The following ADGRB1 variants were observed in gnomAD, a reference collection of about 807,000 sequenced individuals.
The protein encoded by ADGRB1 is adhesion G protein-coupled receptor B1, also known as brain-specific angiogenesis inhibitor 1.
A neutral mutation model predicts 175.7 loss-of-function variants in ADGRB1; 36 were observed. That is an observed-to-expected ratio of 0.20 (90% CI 0.16 to 0.27). ADGRB1 has a LOEUF of 0.27. Among genes scored for constraint, ADGRB1 ranks in the 10% least tolerant of loss-of-function variants. ADGRB1 has a pLI of 1.00. For synonymous variants in ADGRB1, 1,054 were observed against 979.4 expected (o/e 1.08, Z -1.42); for missense variants, 1,731 against 2,255.3 (o/e 0.77, Z 4.71).
In ADGRB1 at chr8:142,479,303, T is replaced by G. The variant is rs1272907909; in HGVS notation, c.1562-20T>G. The G allele has an allele frequency of 6.8e-7, 1 of 1,474,788 alleles. No homozygotes were observed. The highest frequency in any genetic ancestry group is 8.9e-7 in the Non-Finnish European group (1 of 1,119,422). The allele number at this position is 1,474,788 out of a possible 1,614,324, so 91.4% of individuals were successfully genotyped here. A position where few individuals can be genotyped will look rare whatever the true frequency, so the allele number is the denominator to read the frequency against. On this transcript the variant is annotated intron_variant, in intron 7 of 30. Coordinates refer to ENST00000517894, the MANE Select transcript of ADGRB1 (RefSeq NM_001702.3). Reference sequence around the variant, plus strand: ...TGCCCTTCTTGTCGCCTGTGCCCTGTGTCTGGCCACGCCCCGCAGTGGATG... The same window carrying G: ...TGCCCTTCTTGTCGCCTGTGCCCTGGGTCTGGCCACGCCCCGCAGTGGATG...
Position 142,542,031 on chromosome 8 carries a change from T to C in ADGRB1, c.3797T>C (p.Leu1266Pro), listed in dbSNP as rs1411697512. The C allele has an allele frequency of 1.5e-5, 24 of 1,609,948 alleles. No individual in the cohort carries two copies. Among genetic ancestry groups the C allele is most frequent in the Non-Finnish European group, 2.0e-5 (24 of 1,178,916 alleles). The change falls in exon 28 of 31, where the codon CTG becomes CCG. Residue 1266 changes from leucine to proline, a missense_variant. Coordinates refer to ENST00000517894, the MANE Select transcript of ADGRB1 (RefSeq NM_001702.3). This position sits in a 1 kb window ranked among gnomAD's most constrained non-coding sequence, Gnocchi z 6.3. ...CTGCCCGAGGAGGAGAAGCTGAAGC[T>C]GGCCCATGCCAAGGGGCCGCCCACC... ...PSLPEEEKLK[L>P]AHAKGPPTNF...
Position 142,520,938 on chromosome 8 carries a change from G to A in ADGRB1, c.3024+13G>A, listed in dbSNP as rs772215986. On this transcript the variant is annotated intron_variant, in intron 20 of 30. Transcript: ENST00000517894. The stretch of plus-strand genomic sequence containing the variant: ...GACCCGCAACAAGGTAGGCAGCCTT[G>A]CGTCCTGCCATGCACTTCCCAACAT... 6.2e-7 allele frequency: 1 copy of A among 1,604,944 alleles called. No individual in the cohort carries two copies. The highest frequency in any genetic ancestry group is 1.1e-5 in the South Asian group (1 of 90,878).
At chr8:142,469,634 T>C (rs1187811453) in intron 2 of ADGRB1, among the ~76,000 whole-genome samples, 4 of 150,124 alleles carry the variant, frequency 2.7e-5, no homozygotes, top group African/African-American at 9.9e-5. Context: ...TGCATGTGTG[T>C]ATGTGCACGT....
chr8:142,477,605 A>G, intron 6 of ADGRB1, 56 bp downstream of exon 6: 3 of 1,565,270 alleles, frequency 1.9e-6, no homozygotes, highest in South Asian at 1.2e-5. Context: ...GGGAGGTCAC[A>G]GTGGGCCACC....
intron 1 of ADGRB1, among the ~76,000 whole-genome samples, chr8:142,461,985 C>T (rs992851032): frequency 1.1e-4 from 16 of 152,054 alleles, no homozygotes; most frequent in Admixed American, 1.0e-3. Context: ...GACCTGCCCA[C>T]AGCCGCTCCC....
intron 9 of ADGRB1, among the ~76,000 whole-genome samples, 167 bp from the exon 10 acceptor site, chr8:142,481,087 G>A: frequency 6.6e-6 from 1 of 152,262 alleles, no homozygotes; most frequent in East Asian, 1.9e-4. Context: ...TGTTGATGAA[G>A]GGAACGAGGT....
Position 142,486,079 on chromosome 8 carries a change from C to A in ADGRB1, c.2308+1315C>A, listed in dbSNP as rs185289585. Among the ~76,000 whole-genome samples the A allele has an allele frequency of 5.4e-3, 822 of 152,260 alleles. 4 individuals carry two copies. Among genetic ancestry groups the A allele is most frequent in the Non-Finnish European group, 7.7e-3 (527 of 68,026 alleles). On this transcript the variant is annotated intron_variant, in intron 13 of 30. Coordinates refer to ENST00000517894, the MANE Select transcript of ADGRB1 (RefSeq NM_001702.3). ...GGGGATTCAATTTCCAACACGTGAACGTTTACAGGACACATTCAAGCTATA... is the reference window on the plus strand; with the variant it reads ...GGGGATTCAATTTCCAACACGTGAAAGTTTACAGGACACATTCAAGCTATA...
intron 1 of ADGRB1, among the ~76,000 whole-genome samples, chr8:142,459,020 A>T (rs139507225): frequency 8.7e-4 from 133 of 152,278 alleles, no homozygotes; most frequent in African/African-American, 2.9e-3. Context: ...CAGCGCCCAC[A>T]CTGGTCCCCC....
In ADGRB1 at chr8:142,537,318, C is replaced by A. The variant is rs550541452; in HGVS notation, c.3666+236C>A. ...GTTTGGAGGTCTCAGCGGAGGCTGG[C>A]ATCCACCCCACACTCACCCCCGCTG... On this transcript the variant is annotated intron_variant, in intron 26 of 30. Transcript: ENST00000517894. This position sits in a 1 kb window ranked among gnomAD's most constrained non-coding sequence, Gnocchi z 4.6. Among the ~76,000 whole-genome samples, 12 of 152,146 alleles carry A rather than the reference C, an allele frequency of 7.9e-5. No homozygotes were observed. In the East Asian group the frequency reaches 2.1e-3, roughly 27 times the overall value.
At chr8:142,520,392 G>T (rs1843732811) in intron 19 of ADGRB1, among the ~76,000 whole-genome samples, 3 of 84,136 alleles carry the variant, frequency 3.6e-5, no homozygotes, top group Non-Finnish European at 7.7e-5. Context: ...TGATGGTAGT[G>T]ATTGTGATGT....
chr8:142,494,588 G>T (rs111294278), intron 17 of ADGRB1, among the ~76,000 whole-genome samples: 1 of 151,850 alleles, frequency 6.6e-6, no homozygotes, highest in African/African-American at 2.4e-5. Context: ...GCCTCACCCC[G>T]GTTGTGCAGA....
intron 2 of ADGRB1, among the ~76,000 whole-genome samples, chr8:142,472,648 A>C (rs1425133405): frequency 6.6e-6 from 1 of 152,156 alleles, no homozygotes; most frequent in South Asian, 2.1e-4. Context: ...CAAGAATAAA[A>C]ATAGCAGCTA....
Position 142,526,524 on chromosome 8 carries a change from C to CCCCCA in ADGRB1, c.3313-17_3313-16insCCCAC. On this transcript the variant is annotated splice_polypyrimidine_tract_variant and intron_variant, in intron 23 of 30. Transcript: ENST00000517894. ...GGCGGCCCCCACCCCCACACCCCCACCACTCTCTGCCCGGCAGGTGAACAT... is the reference window on the plus strand; with the variant it reads ...GGCGGCCCCCACCCCCACACCCCCACCCCCACACTCTCTGCCCGGCAGGTGAACAT... The CCCCCA allele has an allele frequency of 6.4e-7, 1 of 1,555,876 alleles. No individual in the cohort carries two copies. The highest frequency in any genetic ancestry group is 8.7e-7 in the Non-Finnish European group (1 of 1,144,148).
intron 16 of ADGRB1, 50 bp downstream of exon 16, chr8:142,489,488 G>A (rs755995386): frequency 2.7e-5 from 43 of 1,573,776 alleles, no homozygotes; most frequent in African/African-American, 4.0e-5. Flanking sequence ...ACGCGTGTGC[G>A]CGAATTCTGT....
chr8:142,521,825 T>C (rs912561103), intron 20 of ADGRB1, 140 bp from the exon 21 acceptor site: 2 of 910,254 alleles, frequency 2.2e-6, no homozygotes, highest in African/African-American at 3.3e-5. Context: ...ATCTCTGGAT[T>C]GCCTTCTGCC....
rs758185771 is a variant in ADGRB1, at chr8:142,477,463, G to A, written c.1301G>A (p.Arg434His). The change falls in exon 6 of 31, where the codon CGC becomes CAC. Residue 434 changes from arginine to histidine, a missense_variant. Physicochemically the swap from Arg to His is conservative, Grantham distance 29. Around this residue, in one of 8 missense-constraint regions of ADGRB1, gnomAD observed 388 missense variants for 630.9 expected, o/e 0.61. Coordinates refer to ENST00000517894, the MANE Select transcript of ADGRB1 (RefSeq NM_001702.3). ...TCGRGFRDRTRTCRPPQFGGN... is the reference protein window; with the variant it reads ...TCGRGFRDRTHTCRPPQFGGN... ...GGCCGTGGCTTTCGGGATCGCACGC[G>A]CACCTGCAGGCCCCCCCAGTTTGGG... is the stretch of plus-strand genomic sequence containing the variant. 6.2e-7 allele frequency: 1 copy of A among 1,612,802 alleles called. No homozygotes were observed. Among genetic ancestry groups the A allele is most frequent in the Middle Eastern group, 1.7e-4 (1 of 6,058 alleles).
chr8:142,479,489 T>A lies in ADGRB1; in HGVS notation c.1726+2T>A. 1 of 1,539,382 alleles carries A rather than the reference T, an allele frequency of 6.5e-7. No homozygotes were observed. Among genetic ancestry groups the A allele is most frequent in the Non-Finnish European group, 8.7e-7 (1 of 1,149,390 alleles). On this transcript the variant is annotated splice_donor_variant, in intron 8 of 30. Coordinates refer to ENST00000517894, the MANE Select transcript of ADGRB1 (RefSeq NM_001702.3). LOFTEE classifies it high-confidence loss of function. The stretch of plus-strand genomic sequence containing the variant: ...AGTGCGGCACCCAGCGGTGTCCCGG[T>A]GAGGCCCCTCCTACCTGGGCTGGGC...
In ADGRB1 at chr8:142,504,092, A is replaced by C. The variant is rs1006940003; in HGVS notation, c.2676-6840A>C. Reference sequence around the variant, plus strand: ...CAGGTCAGGCAGGTGTTCAAATGCCAAGGTCGATGGGTCACAGCGACCAGG... The same window carrying C: ...CAGGTCAGGCAGGTGTTCAAATGCCCAGGTCGATGGGTCACAGCGACCAGG... On this transcript the variant is annotated intron_variant, in intron 17 of 30. Transcript: ENST00000517894. The surrounding 1 kb of genome is among the most constrained non-coding windows in gnomAD (Gnocchi z 5.6). 2.6e-5 allele frequency among the ~76,000 whole-genome samples: 4 copies of C among 152,180 alleles called. No individual in the cohort carries two copies. Among genetic ancestry groups the C allele is most frequent in the Non-Finnish European group, 4.4e-5 (3 of 68,020 alleles).
intron 15 of ADGRB1, 26 bp downstream of exon 15, chr8:142,489,136 G>C (rs1407065686): frequency 6.3e-7 from 1 of 1,580,702 alleles, no homozygotes. Flanking sequence ...CAGGTGGGGT[G>C]GGCAGTGCAG....
Sources: allele counts gnomAD v4.1 joint callset (sites outside exome capture counted in the v4.1 genomes callset), GRCh38; gene constraint gnomAD v4.1.1; regional missense constraint gnomAD v4.1.1; non-coding constraint Gnocchi (gnomAD v3.1); transcripts MANE v1.5; gene names NCBI Gene and HGNC (gene_info 2026-07-23, HGNC 2026-07-21).